Variants in CHODL observed in about 807,000 individuals in gnomAD.
CHODL encodes the protein transmembrane protein MT75.
Under a neutral mutation model 34.5 loss-of-function variants are expected in CHODL, and 29 were observed. That is an observed-to-expected ratio of 0.84 (90% CI 0.63 to 1.15). The LOEUF (loss-of-function observed/expected upper bound fraction) is 1.15, where lower values mean the gene tolerates loss of function less well. Among genes scored for constraint, CHODL ranks in the 50% most tolerant of loss-of-function variants. The pLI is 0.00. For missense variants in CHODL, 332 were observed against 332.5 expected (o/e 1.00, Z 0.01); for synonymous variants, 125 against 116.1 (o/e 1.08, Z -0.49).
chr21:18,021,138 T>C (rs1452368470), intron 1 of CHODL, among the ~76,000 whole-genome samples: 1 of 152,212 alleles, frequency 6.6e-6, no homozygotes, highest in Non-Finnish European at 1.5e-5. Context: ...GTTAATACCA[T>C]GGCCTTGGAT....
intron 2 of CHODL, among the ~76,000 whole-genome samples, chr21:18,118,513 A>C (rs771531859): frequency 1.3e-5 from 2 of 152,100 alleles, no homozygotes; most frequent in Non-Finnish European, 2.9e-5. Context: ...ATCATAAATC[A>C]CTCTTCCAAT....
At chr21:17,952,147 G>C (rs1045823861) in intron 1 of CHODL, among the ~76,000 whole-genome samples, 3 of 141,006 alleles carry the variant, frequency 2.1e-5, no homozygotes, top group African/African-American at 8.0e-5. Context: ...GCACCTGGGA[G>C]GTCAGTGCTT....
In CHODL at chr21:18,002,895, G is replaced by T. The variant is rs567447310; in HGVS notation, c.-144-24977G>T. Among the ~76,000 whole-genome samples, 347 of 152,138 alleles carry T rather than the reference G, an allele frequency of 2.3e-3. 1 individual carries two copies. Among genetic ancestry groups the T allele is most frequent in the African/African-American group, 7.2e-3 (300 of 41,506 alleles). On this transcript the variant is annotated intron_variant, in intron 1 of 6. Transcript: ENST00000400127. ...TCCCAGCACTTTGGGAGGCCGAGGCGGGCGGATCATAAGGTCAGGAGATCG... is the reference window on the plus strand; with the variant it reads ...TCCCAGCACTTTGGGAGGCCGAGGCTGGCGGATCATAAGGTCAGGAGATCG...
At chr21:18,147,724 A>G (rs931993231) in intron 2 of CHODL, among the ~76,000 whole-genome samples, 2 of 152,214 alleles carry the variant, frequency 1.3e-5, no homozygotes, top group African/African-American at 2.4e-5. Context: ...GGAGCCATAG[A>G]CAGTATGTAA....
chr21:18,052,719 G>T (rs1393050218), intron 2 of CHODL, among the ~76,000 whole-genome samples: 1 of 151,812 alleles, frequency 6.6e-6, no homozygotes, highest in African/African-American at 2.4e-5. Context: ...AGGCTTAGTT[G>T]TCCCTTATAT....
At chr21:18,009,395 G>A (rs1416684217) in intron 1 of CHODL, among the ~76,000 whole-genome samples, 2 of 152,092 alleles carry the variant, frequency 1.3e-5, no homozygotes, top group East Asian at 1.9e-4. Context: ...CCCAGGAGTT[G>A]AAGAATGGTT....
At chr21:18,133,720 A>G (rs1297643719) in intron 2 of CHODL, among the ~76,000 whole-genome samples, 1 of 152,194 alleles carries the variant, frequency 6.6e-6, no homozygotes, top group Non-Finnish European at 1.5e-5. Context: ...CAACTCAAAC[A>G]TAAGCCAACT....
chr21:17,960,526 C>A (rs197564), intron 1 of CHODL, among the ~76,000 whole-genome samples: 132,954 of 151,908 alleles, frequency 0.88, 58,365 homozygotes, highest in African/African-American at 0.92. Flanking sequence ...CATTTGATAC[C>A]ATTGAGTGCT....
At position 18,139,297 on chromosome 21, in the gene CHODL, G is replaced by A. The variant is rs1414947752; in HGVS notation, c.-45+111326G>A. ...AAGAGGTTCAGCAATGAAGGACTAC[G>A]TAGAGAGAAGGGCCACTGGAGAACC... On this transcript the variant is annotated intron_variant, in intron 2 of 6. Transcript: ENST00000400127. Among the ~76,000 whole-genome samples the A allele has an allele frequency of 2.6e-5, 4 of 152,008 alleles. No homozygotes were observed. The South Asian group carries it at 6.2e-4, about 24-fold the overall frequency.
At chr21:17,990,392 T>C (rs1046722463) in intron 1 of CHODL, among the ~76,000 whole-genome samples, 1 of 152,084 alleles carries the variant, frequency 6.6e-6, no homozygotes, top group Non-Finnish European at 1.5e-5. Context: ...CTGAAGATAT[T>C]TTCCTGTCAA....
rs200120318 is a variant in CHODL at position 17,950,497 on chromosome 21, AACAC to A, written c.-145+33132_-145+33135del. 3.3e-3 allele frequency among the ~76,000 whole-genome samples: 434 copies of A among 130,354 alleles called. 2 individuals are homozygous for A. The highest frequency in any genetic ancestry group is 6.2e-3 in the Admixed American group (76 of 12,288). The allele number at this position is 130,354 out of a possible 152,430, so 85.5% of individuals were successfully genotyped here. On this transcript the variant is annotated intron_variant, in intron 1 of 6. Transcript: ENST00000400127. Reference sequence around the variant, plus strand: ...TCATAACAAGAAATCCTAGATACACAACACACACACACACACACACACACACACA... The same window carrying A: ...TCATAACAAGAAATCCTAGATACACAACACACACACACACACACACACACA...
chr21:18,262,981 A>G, intron 5 of CHODL, 88 bp downstream of exon 5: 1 of 737,598 alleles, frequency 1.4e-6, no homozygotes, highest in Non-Finnish European at 2.3e-6. Context: ...AAAGTTAATT[A>G]TATTTTAATT....
intron 2 of CHODL, among the ~76,000 whole-genome samples, chr21:18,044,170 A>T (rs891311507): frequency 5.3e-5 from 8 of 152,026 alleles, no homozygotes; most frequent in African/African-American, 1.9e-4. Context: ...AAATAAAAAC[A>T]GTTGATTTAG....
intron 2 of CHODL, among the ~76,000 whole-genome samples, chr21:18,154,513 C>T (rs1447254513): frequency 6.6e-6 from 1 of 152,094 alleles, no homozygotes; most frequent in Non-Finnish European, 1.5e-5. Flanking sequence ...GTTAATCCAT[C>T]TAATTTTAGT....
At chr21:18,191,727 C>T (rs572106196) in intron 2 of CHODL, among the ~76,000 whole-genome samples, 3 of 152,210 alleles carry the variant, frequency 2.0e-5, no homozygotes, top group East Asian at 3.9e-4. Flanking sequence ...TGCAAGATTT[C>T]GCTTATATAT....
intron 2 of CHODL, among the ~76,000 whole-genome samples, chr21:18,186,682 C>T (rs1251057473): frequency 1.3e-5 from 2 of 152,242 alleles, no homozygotes; most frequent in East Asian, 1.9e-4. Flanking sequence ...TAATACCAAA[C>T]ATTGAAAGCA....
intron 1 of CHODL, among the ~76,000 whole-genome samples, chr21:17,938,164 G>A (rs894449811): frequency 6.6e-6 from 1 of 152,102 alleles, no homozygotes; most frequent in African/African-American, 2.4e-5. Flanking sequence ...TATCCCACTA[G>A]GCACCACAGT....
intron 2 of CHODL, among the ~76,000 whole-genome samples, chr21:18,094,729 T>C (rs2065117080): frequency 8.3e-6 from 1 of 121,068 alleles, no homozygotes; most frequent in African/African-American, 3.1e-5. Context: ...TTTATAGCTA[T>C]AAATGTCTAC....
chr21:18,028,230 C>CT (rs143297215), intron 2 of CHODL, among the ~76,000 whole-genome samples: 65,046 of 116,132 alleles, frequency 0.56, 20,883 homozygotes, highest in Middle Eastern at 0.67. Context: ...CTCCCCTCCC[C>CT]TCCCCTTCCC....
Sources: allele counts gnomAD v4.1 joint callset (sites outside exome capture counted in the v4.1 genomes callset), GRCh38; gene constraint gnomAD v4.1.1; transcripts MANE v1.5; gene names NCBI Gene and HGNC (gene_info 2026-07-23, HGNC 2026-07-21).